The following ITFG1 variants were observed in gnomAD, a reference collection of about 807,000 sequenced individuals.
The protein encoded by ITFG1 is T-cell immunomodulatory protein.
A neutral mutation model predicts 81.8 loss-of-function variants in ITFG1; 34 were observed. The observed-to-expected ratio is 0.42, with a 90% confidence interval of 0.32 to 0.55. The LOEUF is 0.55. Ranked by LOEUF, ITFG1 falls within the 20% of genes least tolerant of loss-of-function variation. The pLI, the probability that ITFG1 is intolerant of heterozygous loss-of-function variation, is 0.17. For missense variants in ITFG1, 672 were observed against 755.4 expected (o/e 0.89, Z 1.29); for synonymous variants, 285 against 270.6 (o/e 1.05, Z -0.52).
At chr16:47,258,129 A>G (rs1966160915) in intron 12 of ITFG1, among the ~76,000 whole-genome samples, 1 of 152,214 alleles carries the variant, frequency 6.6e-6, no homozygotes. Flanking sequence ...GTGATCATCA[A>G]GGTGACCAGG....
chr16:47,454,752 G>C (rs949770199), intron 2 of ITFG1, among the ~76,000 whole-genome samples: 2 of 151,558 alleles, frequency 1.3e-5, no homozygotes, highest in African/African-American at 4.8e-5. Context: ...CTTTTCATAG[G>C]TATTGATATA....
At chr16:47,163,129 G>A (rs932205587) in intron 14 of ITFG1, among the ~76,000 whole-genome samples, 3 of 152,144 alleles carry the variant, frequency 2.0e-5, no homozygotes, top group African/African-American at 7.2e-5. Flanking sequence ...AGAAAACAGC[G>A]TTACTGAGAT....
chr16:47,293,163 T>TTATATCATATAC (rs1966932088), intron 10 of ITFG1, among the ~76,000 whole-genome samples: 2 of 147,582 alleles, frequency 1.4e-5, no homozygotes, highest in African/African-American at 4.9e-5. Flanking sequence ...GCATGATATA[T>TTATATCATATAC]AATATATATC....
chr16:47,330,309 A>G (rs1967619637), intron 8 of ITFG1, among the ~76,000 whole-genome samples: 1 of 152,118 alleles, frequency 6.6e-6, no homozygotes, highest in Admixed American at 6.6e-5. Flanking sequence ...TGGATTAAAG[A>G]CATAAATGTA....
intron 10 of ITFG1, among the ~76,000 whole-genome samples, chr16:47,266,265 T>C (rs1369982704): frequency 6.6e-6 from 1 of 152,192 alleles, no homozygotes; most frequent in East Asian, 1.9e-4. Context: ...TTGCCCAGCC[T>C]GGAGTACAGT....
At chr16:47,386,014 A>G (rs1381531568) in intron 6 of ITFG1, among the ~76,000 whole-genome samples, 20 of 152,150 alleles carry the variant, frequency 1.3e-4, no homozygotes, top group Non-Finnish European at 2.9e-4. Context: ...AGTGGGCAAA[A>G]TTCAAGGCCA....
chr16:47,257,358 T>TAA (rs1966152012), intron 12 of ITFG1, among the ~76,000 whole-genome samples: 1 of 152,046 alleles, frequency 6.6e-6, no homozygotes, highest in South Asian at 2.1e-4. Context: ...AAGCAAAACT[T>TAA]AAAAACACAA....
intron 8 of ITFG1, chr16:47,365,575 T>G (rs952840115): frequency 4.4e-6 from 2 of 449,590 alleles, no homozygotes; most frequent in East Asian, 3.2e-5. Context: ...TATCAAACTA[T>G]TTTTTAAACA....
intron 6 of ITFG1, among the ~76,000 whole-genome samples, chr16:47,402,055 G>A (rs781014682): frequency 5.3e-5 from 8 of 152,168 alleles, no homozygotes; most frequent in African/African-American, 1.4e-4. Context: ...CCACAGGGCA[G>A]AGACGTCTAG....
intron 6 of ITFG1, among the ~76,000 whole-genome samples, chr16:47,389,044 G>A (rs780933883): frequency 1.2e-4 from 19 of 152,116 alleles, no homozygotes; most frequent in Non-Finnish European, 2.4e-4. Context: ...ACCTTAAGAT[G>A]TTTAAAAGTA....
chr16:47,192,391 T>C (rs1457852796), intron 14 of ITFG1, among the ~76,000 whole-genome samples: 4 of 152,230 alleles, frequency 2.6e-5, no homozygotes, highest in Non-Finnish European at 5.9e-5. Context: ...TGGGTTTCCC[T>C]AGAGACTCCT....
At chr16:47,399,497 C>T (rs562228811) in intron 6 of ITFG1, among the ~76,000 whole-genome samples, 1 of 151,808 alleles carries the variant, frequency 6.6e-6, no homozygotes, top group African/African-American at 2.4e-5. Context: ...GGTGTGAACC[C>T]GGGAGGCAGA....
At chr16:47,418,993 T>C (rs1372371715) in intron 6 of ITFG1, among the ~76,000 whole-genome samples, 1 of 152,212 alleles carries the variant, frequency 6.6e-6, no homozygotes, top group Admixed American at 6.5e-5. Context: ...AATATGGTCA[T>C]ATAATGATAA....
intron 13 of ITFG1, among the ~76,000 whole-genome samples, chr16:47,226,743 T>C (rs1284722052): frequency 6.6e-6 from 1 of 151,982 alleles, no homozygotes; most frequent in African/African-American, 2.4e-5. Context: ...CAAGGCAACA[T>C]ACCACAAAAA....
chr16:47,396,373 T>G (rs759439939), intron 6 of ITFG1, among the ~76,000 whole-genome samples: 1 of 151,530 alleles, frequency 6.6e-6, no homozygotes, highest in African/African-American at 2.4e-5. Flanking sequence ...CGGCCATACA[T>G]GAAGATGAGA....
In ITFG1 at chr16:47,397,790, A is replaced by G. The variant is rs546235526; in HGVS notation, c.656-21850T>C. Among the ~76,000 whole-genome samples, 130 of 152,322 alleles carry G rather than the reference A, an allele frequency of 8.5e-4. 1 individual carries two copies. Among genetic ancestry groups the G allele is most frequent in the African/African-American group, 3.0e-3 (124 of 41,570 alleles). ...GAAAAGGAGAGTTTGGCTTAAGTAC[A>G]GGATGCCAGCAGGGGACCAGGAGAG... On this transcript the variant is annotated intron_variant, in intron 6 of 17. Transcript: ENST00000320640.
At chr16:47,357,646 T>C (rs1248324052) in intron 8 of ITFG1, among the ~76,000 whole-genome samples, 2 of 148,668 alleles carry the variant, frequency 1.3e-5, no homozygotes, top group African/African-American at 5.0e-5. Flanking sequence ...TTAAATGCAA[T>C]GCACAGTATA....
intron 10 of ITFG1, among the ~76,000 whole-genome samples, chr16:47,303,572 C>T (rs1967111055): frequency 6.6e-6 from 1 of 152,162 alleles, no homozygotes; most frequent in African/African-American, 2.4e-5. Flanking sequence ...TACAGAAATA[C>T]ACTTCCTGCT....
At chr16:47,416,397 T>A (rs1440220442) in intron 6 of ITFG1, among the ~76,000 whole-genome samples, 4 of 152,214 alleles carry the variant, frequency 2.6e-5, no homozygotes, top group African/African-American at 9.7e-5. Flanking sequence ...ATACATTACT[T>A]GTTTTTTCTT....
Sources: gnomAD v4.1 joint callset for allele counts (sites outside exome capture counted in the v4.1 genomes callset) on GRCh38, gnomAD v4.1.1 for gene constraint, MANE v1.5 for transcripts, NCBI Gene and HGNC (gene_info 2026-07-23, HGNC 2026-07-21) for gene names.